The following LRMDA variants were observed in gnomAD, a reference collection of about 807,000 sequenced individuals.
LRMDA encodes leucine rich melanocyte differentiation associated, also known as leucine-rich melanocyte differentiation-associated protein.
A neutral mutation model predicts 29.8 loss-of-function variants in LRMDA; 18 were observed. The observed-to-expected ratio is 0.60, with a 90% CI of 0.42 to 0.90. The LOEUF is 0.90. LRMDA is among the 40% of genes least tolerant of loss of function. The pLI, the probability that LRMDA is intolerant of heterozygous loss-of-function variation, is 0.00. For missense variants in LRMDA, 273 were observed against 273.9 expected, an observed-to-expected ratio of 1.00 and a Z score of 0.02; for synonymous variants, 125 against 109.4, an observed-to-expected ratio of 1.14 and a Z score of -0.89.
At chr10:75,977,252 C>G (rs1363704026) in intron 2 of LRMDA, among the ~76,000 whole-genome samples, 1 of 151,930 alleles carries the variant, frequency 6.6e-6, no homozygotes, top group Non-Finnish European at 1.5e-5. Flanking sequence ...GCAATTTACT[C>G]ATAGCTCAAG....
At chr10:76,410,078 G>A (rs1011475588) in intron 6 of LRMDA, among the ~76,000 whole-genome samples, 1 of 152,076 alleles carries the variant, frequency 6.6e-6, no homozygotes, top group African/African-American at 2.4e-5. Flanking sequence ...GGAACAGCAT[G>A]TATAATGGGC....
At chr10:75,576,448 A>G (rs1326761320) in intron 2 of LRMDA, among the ~76,000 whole-genome samples, 1 of 152,184 alleles carries the variant, frequency 6.6e-6, no homozygotes, top group Non-Finnish European at 1.5e-5. Flanking sequence ...GTGCAGCTTC[A>G]GCAGACTTAA....
chr10:75,728,858 G>A (rs1415753336), intron 2 of LRMDA, among the ~76,000 whole-genome samples: 1 of 152,204 alleles, frequency 6.6e-6, no homozygotes, highest in Non-Finnish European at 1.5e-5. Context: ...GTCTGTGTGT[G>A]TGTGAGGCAA....
rs139317936 is a variant in LRMDA at position 75,456,242 on chromosome 10, G to A, written c.131+17748G>A. 1.0e-3 allele frequency among the ~76,000 whole-genome samples: 158 copies of A among 152,338 alleles called. 1 individual carries two copies. Among genetic ancestry groups the A allele is most frequent in the African/African-American group, 3.3e-3 (137 of 41,570 alleles). On this transcript the variant is annotated intron_variant, in intron 2 of 6. Coordinates refer to ENST00000611255, the MANE Select transcript of LRMDA (RefSeq NM_001305581.2). ...GTTTCGGCCCTGACACATATACGCG[G>A]CAATTACGCTGTTAGAAGGGTCACG...
intron 6 of LRMDA, among the ~76,000 whole-genome samples, chr10:76,461,189 G>A (rs1047739614): frequency 4.6e-5 from 7 of 152,102 alleles, no homozygotes; most frequent in Non-Finnish European, 5.9e-5. Flanking sequence ...ATGGGAAGTA[G>A]CAAGGGGAGA....
chr10:76,296,098 C>G (rs143159934), intron 5 of LRMDA, among the ~76,000 whole-genome samples: 86 of 152,264 alleles, frequency 5.6e-4, no homozygotes, highest in African/African-American at 1.9e-3. Context: ...CACACAGAAC[C>G]AACTGGCTGA....
intron 5 of LRMDA, among the ~76,000 whole-genome samples, chr10:76,162,899 T>A (rs1850673252): frequency 1.3e-5 from 2 of 152,068 alleles, no homozygotes; most frequent in South Asian, 4.1e-4. Context: ...AAGAAAGGAA[T>A]GAAAGGGAAA....
chr10:76,485,478 A>G (rs1304008088), intron 6 of LRMDA, among the ~76,000 whole-genome samples: 2 of 151,914 alleles, frequency 1.3e-5, no homozygotes, highest in East Asian at 1.9e-4. Context: ...TCACTTATTC[A>G]TATAGTGTTA....
At chr10:76,221,525 C>G (rs1246927794) in intron 5 of LRMDA, among the ~76,000 whole-genome samples, 4 of 152,174 alleles carry the variant, frequency 2.6e-5, no homozygotes, top group Admixed American at 1.3e-4. Context: ...ACAATTGTTT[C>G]AAAGAGAATA....
chr10:75,499,701 A>T lies in LRMDA; in HGVS notation c.131+61207A>T, dbSNP rs192244799. 8.5e-5 allele frequency among the ~76,000 whole-genome samples: 13 copies of T among 152,316 alleles called. No homozygotes were observed. In the East Asian group the frequency reaches 2.5e-3, roughly 29 times the overall value. Reference sequence around the variant, plus strand: ...TGAGCAGTGCCTTCGGTGTGTAGACAGCCTCCTCTGACACAGTGTGTGGGG... The same window carrying T: ...TGAGCAGTGCCTTCGGTGTGTAGACTGCCTCCTCTGACACAGTGTGTGGGG... On this transcript the variant is annotated intron_variant, in intron 2 of 6. Transcript: ENST00000611255.
intron 6 of LRMDA, among the ~76,000 whole-genome samples, chr10:76,398,624 T>C (rs1841815381): frequency 6.6e-6 from 1 of 152,240 alleles, no homozygotes; most frequent in Admixed American, 6.5e-5. Flanking sequence ...ACCTCTGTGC[T>C]TTGAAATGCT....
intron 6 of LRMDA, among the ~76,000 whole-genome samples, chr10:76,448,108 A>C (rs1345019389): frequency 1.3e-5 from 2 of 152,186 alleles, no homozygotes; most frequent in African/African-American, 4.8e-5. Flanking sequence ...AGCATATAGA[A>C]AATATTTAAA....
intron 2 of LRMDA, among the ~76,000 whole-genome samples, chr10:75,442,210 T>C (rs1844333924): frequency 6.6e-6 from 1 of 152,246 alleles, no homozygotes; most frequent in African/African-American, 2.4e-5. Context: ...CATTGTGAGA[T>C]GATTACTGAG....
intron 5 of LRMDA, among the ~76,000 whole-genome samples, chr10:76,104,025 G>A (rs937354371): frequency 4.6e-5 from 7 of 151,456 alleles, no homozygotes; most frequent in African/African-American, 1.7e-4. Context: ...TCCAGCCTGG[G>A]TGACAGAATG....
intron 2 of LRMDA, among the ~76,000 whole-genome samples, chr10:75,769,332 C>G (rs555164357): frequency 6.6e-6 from 1 of 152,290 alleles, no homozygotes; most frequent in South Asian, 2.1e-4. Context: ...CTCTTAATTG[C>G]AACATGTTCT....
chr10:75,903,671 G>C (rs779988523), intron 2 of LRMDA, among the ~76,000 whole-genome samples: 1 of 152,214 alleles, frequency 6.6e-6, no homozygotes, highest in African/African-American at 2.4e-5. Context: ...GACTCAGTGC[G>C]ATCACTAGGA....
chr10:75,902,095 C>G (rs1010650351), intron 2 of LRMDA, among the ~76,000 whole-genome samples: 1 of 152,116 alleles, frequency 6.6e-6, no homozygotes, highest in African/African-American at 2.4e-5. Context: ...CACATTCCCC[C>G]CACAAGAGGC....
intron 6 of LRMDA, among the ~76,000 whole-genome samples, chr10:76,507,283 A>C (rs188328162): frequency 1.3e-5 from 2 of 152,032 alleles, no homozygotes; most frequent in Non-Finnish European, 2.9e-5. Context: ...TGCCCATTAA[A>C]AAAAAATCAG....
intron 5 of LRMDA, among the ~76,000 whole-genome samples, chr10:76,322,959 G>A (rs1302902355): frequency 1.3e-5 from 2 of 152,132 alleles, no homozygotes; most frequent in Non-Finnish European, 1.5e-5. Flanking sequence ...GACACTTGGT[G>A]ACTGTAGTAT....
Sources: allele counts gnomAD v4.1 joint callset (sites outside exome capture counted in the v4.1 genomes callset), GRCh38; gene constraint gnomAD v4.1.1; transcripts MANE v1.5; gene names NCBI Gene and HGNC (gene_info 2026-07-23, HGNC 2026-07-21).